MYO1E: variants seen among roughly 807,000 people sequenced by gnomAD.
MYO1E encodes unconventional myosin-Ie.
Under a neutral mutation model 151.1 loss-of-function variants are expected in MYO1E, and 68 were observed. The observed-to-expected ratio is 0.45, with a 90% CI of 0.37 to 0.55. The LOEUF (loss-of-function observed/expected upper bound fraction) is 0.55, where lower values mean the gene tolerates loss of function less well. MYO1E is among the 20% of genes least tolerant of loss of function. The probability of loss-of-function intolerance (pLI) is 0.00; values close to 1 mark genes in which losing one functional copy is unlikely to be tolerated. For missense variants in MYO1E, 1,363 were observed against 1,389.3 expected (o/e 0.98, Z 0.30); for synonymous variants, 601 against 501.7 (o/e 1.20, Z -2.64).
intron 1 of MYO1E, among the ~76,000 whole-genome samples, chr15:59,284,362 C>T (rs1053132380): frequency 6.6e-6 from 1 of 152,232 alleles, no homozygotes; most frequent in South Asian, 2.1e-4. Context: ...AGAGATATTG[C>T]CCCTAAACAC....
chr15:59,344,572 G>C (rs1016615428), intron 1 of MYO1E, among the ~76,000 whole-genome samples: 22 of 152,202 alleles, frequency 1.4e-4, no homozygotes, highest in Admixed American at 1.1e-3. Flanking sequence ...AGCCAGCTAG[G>C]CTTGTGTCCT....
chr15:59,276,901 C>T (rs1191276956), intron 1 of MYO1E, among the ~76,000 whole-genome samples: 3 of 152,190 alleles, frequency 2.0e-5, no homozygotes, highest in Non-Finnish European at 4.4e-5. Context: ...CAGGAGACAG[C>T]CCCAGGGTAG....
intron 1 of MYO1E, among the ~76,000 whole-genome samples, chr15:59,287,166 A>G (rs1369708545): frequency 1.3e-5 from 2 of 152,200 alleles, no homozygotes; most frequent in Non-Finnish European, 2.9e-5. Flanking sequence ...GGGAAAATTA[A>G]GAACAAGCTT....
At chr15:59,224,593 G>T in intron 8 of MYO1E, 96 bp downstream of exon 8, 2 of 1,498,418 alleles carry the variant, frequency 1.3e-6, no homozygotes, top group Non-Finnish European at 1.9e-6. Context: ...GACATTTCAT[G>T]CAGCTCTTTG....
chr15:59,230,183 C>T (rs1204088039), intron 6 of MYO1E, among the ~76,000 whole-genome samples: 1 of 149,272 alleles, frequency 6.7e-6, no homozygotes, highest in Non-Finnish European at 1.5e-5. Context: ...TTTCTCTCAT[C>T]CATGATGGTG....
At chr15:59,167,200 G>A (rs1275208309) in intron 22 of MYO1E, among the ~76,000 whole-genome samples, 1 of 152,202 alleles carries the variant, frequency 6.6e-6, no homozygotes, top group African/African-American at 2.4e-5. Flanking sequence ...TGACCAGGGA[G>A]CTGGAGCCTC....
At chr15:59,339,152 A>T (rs562746413) in intron 1 of MYO1E, among the ~76,000 whole-genome samples, 2 of 152,346 alleles carry the variant, frequency 1.3e-5, no homozygotes, top group African/African-American at 4.8e-5. Flanking sequence ...AATGTCAATG[A>T]CACATTTTAT....
At chr15:59,139,500 C>CTCA (rs34619596) in intron 26 of MYO1E, among the ~76,000 whole-genome samples, 49,884 of 137,440 alleles carry the variant, frequency 0.36, 10,016 homozygotes, top group African/African-American at 0.52. Context: ...TTCCCACCCC[C>CTCA]TTATTACTCT....
intron 1 of MYO1E, among the ~76,000 whole-genome samples, chr15:59,282,687 A>C (rs1176590729): frequency 2.7e-5 from 4 of 149,788 alleles, no homozygotes; most frequent in African/African-American, 9.9e-5. Flanking sequence ...CTCTACACAA[A>C]ATCAAAACAT....
At chr15:59,334,459 C>T (rs957767507) in intron 1 of MYO1E, among the ~76,000 whole-genome samples, 7 of 135,540 alleles carry the variant, frequency 5.2e-5, no homozygotes, top group East Asian at 4.2e-4. Context: ...CTACTTTGTA[C>T]GCATATGTTG....
At chr15:59,215,777 A>G (rs2079909979) in intron 10 of MYO1E, among the ~76,000 whole-genome samples, 1 of 152,198 alleles carries the variant, frequency 6.6e-6, no homozygotes, top group African/African-American at 2.4e-5. Flanking sequence ...ATTCACAAAA[A>G]AAACTGACAG....
rs1304688467 is a variant in MYO1E, at chr15:59,236,391, C to T, written c.420+194G>A. On this transcript the variant is annotated intron_variant, in intron 5 of 27. Coordinates refer to ENST00000288235, the MANE Select transcript of MYO1E (RefSeq NM_004998.4). ...ATATACACACACACACACACACACA[C>T]ACACACACACACACACACACACACA... 1.1e-3 allele frequency among the ~76,000 whole-genome samples: 148 copies of T among 134,900 alleles called. 3 individuals are homozygous for T. The highest frequency in any genetic ancestry group is 3.7e-3 in the African/African-American group (143 of 38,570). 88.5% of individuals were successfully genotyped at this position (134,900 alleles called of 152,430 possible).
intron 26 of MYO1E, among the ~76,000 whole-genome samples, chr15:59,151,524 A>G (rs751997445): frequency 6.6e-6 from 1 of 152,244 alleles, no homozygotes; most frequent in Non-Finnish European, 1.5e-5. Flanking sequence ...GGCAAAAGGA[A>G]TGCTGCTAGG....
intron 16 of MYO1E, among the ~76,000 whole-genome samples, chr15:59,201,320 CT>C (rs2140333452): frequency 6.6e-6 from 1 of 151,858 alleles, no homozygotes; most frequent in South Asian, 2.1e-4. Context: ...TCTCGAACTC[CT>C]GGGGTCAAGT....
At position 59,220,163 on chromosome 15, in the gene MYO1E, G is replaced by C. The variant is rs529948498; in HGVS notation, c.911-2076C>G. ...AGGTCAGGTAAAAAAAACAAAGCTT[G>C]TTTGGCCAGGTGTGGTGGCTCACGC... On this transcript the variant is annotated intron_variant, in intron 9 of 27. Transcript: ENST00000288235. Among the ~76,000 whole-genome samples, 4 of 152,328 alleles carry C rather than the reference G, an allele frequency of 2.6e-5. No homozygotes were observed. The East Asian group carries it at 7.7e-4, about 29-fold the overall frequency.
chr15:59,154,500 T>G (rs921362112), intron 25 of MYO1E, among the ~76,000 whole-genome samples: 2 of 152,234 alleles, frequency 1.3e-5, no homozygotes, highest in African/African-American at 4.8e-5. Context: ...ATGCTACGTA[T>G]GAAGAGGCCC....
chr15:59,217,254 A>C (rs533241672), intron 10 of MYO1E, among the ~76,000 whole-genome samples: 35 of 152,226 alleles, frequency 2.3e-4, no homozygotes, highest in Non-Finnish European at 4.3e-4. Flanking sequence ...ATATGTGAAA[A>C]ACATATTCCT....
At chr15:59,178,002 T>A (rs1464316798) in intron 19 of MYO1E, among the ~76,000 whole-genome samples, 1 of 152,236 alleles carries the variant, frequency 6.6e-6, no homozygotes, top group Non-Finnish European at 1.5e-5. Flanking sequence ...CTCTTTAGCT[T>A]AGACACTCTT....
chr15:59,198,412 T>C (rs745360718), intron 16 of MYO1E, among the ~76,000 whole-genome samples: 4 of 152,226 alleles, frequency 2.6e-5, no homozygotes, highest in Non-Finnish European at 5.9e-5. Flanking sequence ...ATTTGCAAGT[T>C]ACATGACTAA....
Sources: gnomAD v4.1 joint callset for allele counts (sites outside exome capture counted in the v4.1 genomes callset) on GRCh38, gnomAD v4.1.1 for gene constraint, MANE v1.5 for transcripts, NCBI Gene and HGNC (gene_info 2026-07-23, HGNC 2026-07-21) for gene names.